The following OR7C1 variants were observed in gnomAD, a reference collection of about 807,000 sequenced individuals.
OR7C1 encodes olfactory receptor family 7 subfamily C member 1.
For synonymous variants in OR7C1, 152 were observed against 160.7 expected (o/e 0.95, Z 0.41); for missense variants, 324 against 383.3 (o/e 0.85, Z 1.29).
At chr19:14,811,673 G>C (rs1886933120) in intron 1 of OR7C1, among the ~76,000 whole-genome samples, 1 of 151,610 alleles carries the variant, frequency 6.6e-6, no homozygotes, top group African/African-American at 2.4e-5. Flanking sequence ...CCTGTGGGCA[G>C]TAGTTTGCTG....
intron 1 of OR7C1, among the ~76,000 whole-genome samples, chr19:14,817,100 G>A (rs948970955): frequency 4.6e-5 from 7 of 152,108 alleles, no homozygotes; most frequent in Non-Finnish European, 1.0e-4. Context: ...CCCTCACAAG[G>A]AAATAATTGC....
At position 14,814,603 on chromosome 19, in the gene OR7C1, T is replaced by C. The variant is rs553551670; in HGVS notation, c.-622-4610A>G. 2.0e-5 allele frequency among the ~76,000 whole-genome samples: 3 copies of C among 152,224 alleles called. No individual in the cohort carries two copies. In the East Asian group the frequency reaches 5.8e-4, roughly 29 times the overall value. ...CATGCCCAGCTAATTTTTGTATTTT[T>C]AGTAGAGACGGGGGTTTCACCATGC... On this transcript the variant is annotated intron_variant, in intron 1 of 4. Coordinates refer to ENST00000641666, the Ensembl canonical transcript of OR7C1.
chr19:14,825,873 G>A (rs2044763994), intron 1 of OR7C1: 1 of 152,294 alleles, frequency 6.6e-6, no homozygotes, highest in Non-Finnish European at 1.5e-5. Context: ...GAGATGACTT[G>A]TTATTCAGCA....
intron 2 of OR7C1, among the ~76,000 whole-genome samples, chr19:14,805,085 A>G (rs758402505): frequency 2.6e-4 from 40 of 151,874 alleles, no homozygotes; most frequent in Non-Finnish European, 4.9e-4. Context: ...TTGAATTCCT[A>G]TTAAATTCCT....
chr19:14,820,164 G>T (rs2044734222), intron 1 of OR7C1, among the ~76,000 whole-genome samples: 1 of 152,034 alleles, frequency 6.6e-6, no homozygotes, highest in African/African-American at 2.4e-5. Context: ...TGCCCACCTT[G>T]GCCTCCCAAA....
intron 1 of OR7C1, among the ~76,000 whole-genome samples, chr19:14,828,727 T>C (rs1412896946): frequency 8.6e-6 from 1 of 116,742 alleles, no homozygotes; most frequent in Non-Finnish European, 1.6e-5. Context: ...GCCACTGCAC[T>C]CCAGCCTGGT....
At chr19:14,809,575 CAG>C (rs1172129874) in intron 2 of OR7C1, among the ~76,000 whole-genome samples, 1 of 150,776 alleles carries the variant, frequency 6.6e-6, no homozygotes, top group Admixed American at 6.6e-5. Context: ...CAAGAAGAAA[CAG>C]AGATTGAAAG....
exon 5 of OR7C1, chr19:14,799,918 A>G (rs1381715507): frequency 3.7e-6 from 6 of 1,614,170 alleles, no homozygotes; most frequent in Admixed American, 1.7e-5. Context: ...TCGTGGAGGT[A>G]AAACAGAGGT....
intron 1 of OR7C1, among the ~76,000 whole-genome samples, chr19:14,811,444 T>C (rs2044690459): frequency 6.6e-6 from 1 of 151,914 alleles, no homozygotes; most frequent in Non-Finnish European, 1.5e-5. Flanking sequence ...ATAAAGACAC[T>C]GTGTCATTGA....
At chr19:14,835,136 G>T (rs17276460) in exon 1 of OR7C1, 5,517 of 152,148 alleles carry the variant, frequency 0.036, 137 homozygotes, top group Middle Eastern at 0.061. Flanking sequence ...CTGGATGATT[G>T]ATGGTGGAGA....
intron 1 of OR7C1, among the ~76,000 whole-genome samples, chr19:14,815,784 C>CGCGT (rs1555695052): frequency 6.8e-6 from 1 of 146,626 alleles, no homozygotes; most frequent in Non-Finnish European, 1.5e-5. Flanking sequence ...TGAGTTTGTG[C>CGCGT]GTGTGTGTGT....
In OR7C1 at chr19:14,799,953, AG is replaced by A; in HGVS notation, c.183del (p.Phe62SerfsTer22). 6.2e-7 allele frequency: 1 copy of A among 1,614,126 alleles called. No individual in the cohort carries two copies. ...TCAGCAAAAGACAGGTTGGAGAGGA[AG>A]AAGTACATGGGGGTGTGGAGGTGGG... On this transcript the variant is annotated frameshift_variant, in exon 5 of 5. Coordinates refer to ENST00000641666, the Ensembl canonical transcript of OR7C1. LOFTEE classifies it low-confidence loss of function (END_TRUNC).
exon 5 of OR7C1, chr19:14,799,461 G>C: frequency 6.2e-7 from 1 of 1,614,202 alleles, no homozygotes; most frequent in Non-Finnish European, 8.5e-7. Flanking sequence ...GAAATCCTCA[G>C]TATAGAGAAA....
At chr19:14,827,192 A>AT in intron 1 of OR7C1, 2 of 1,277,636 alleles carry the variant, frequency 1.6e-6, no homozygotes, top group Non-Finnish European at 2.1e-6. Context: ...TCCCAGAAAT[A>AT]TAATAAGTAT....
At chr19:14,833,607 G>T (rs2044855270) in intron 1 of OR7C1, among the ~76,000 whole-genome samples, 1 of 152,116 alleles carries the variant, frequency 6.6e-6, no homozygotes, top group African/African-American at 2.4e-5. Context: ...TTTAACTAAA[G>T]AATATTTTAA....
intron 1 of OR7C1, chr19:14,826,392 T>C (rs1012430200): frequency 1.3e-5 from 2 of 152,218 alleles, no homozygotes; most frequent in African/African-American, 2.4e-5. Context: ...TTTTGGTTAG[T>C]GGGATAGAAG....
chr19:14,823,905 C>CTTTTTTTT (rs200113587), intron 1 of OR7C1, among the ~76,000 whole-genome samples: 6 of 139,982 alleles, frequency 4.3e-5, no homozygotes, highest in African/African-American at 1.6e-4. Context: ...CACTATTGTG[C>CTTTTTTTT]TTTTTTTTTT....
At position 14,804,797 on chromosome 19, in the gene OR7C1, A is replaced by C. The variant is rs957531265; in HGVS notation, c.-434-4033T>G. 4.6e-5 allele frequency among the ~76,000 whole-genome samples: 7 copies of C among 152,018 alleles called. 1 individual carries two copies. The highest frequency in any genetic ancestry group is 4.6e-4 in the Admixed American group (7 of 15,278). ...ACTAGATAGAGATGGTGGTTGCGCA[A>C]AACACAGAATGTAGTGAATGGCACT... On this transcript the variant is annotated intron_variant, in intron 2 of 4. Coordinates refer to ENST00000641666, the Ensembl canonical transcript of OR7C1.
exon 5 of OR7C1, chr19:14,799,990 T>C (rs2044633102): frequency 6.2e-7 from 1 of 1,613,888 alleles, no homozygotes; most frequent in Non-Finnish European, 8.5e-7. Context: ...AGTCTGAGCA[T>C]ATGGCCAGGA....
Sources: gnomAD v4.1 joint callset for allele counts (sites outside exome capture counted in the v4.1 genomes callset) on GRCh38, gnomAD v4.1.1 for gene constraint, MANE v1.5 for transcripts, NCBI Gene and HGNC (gene_info 2026-07-23, HGNC 2026-07-21) for gene names.